HYAL4: variants seen among roughly 807,000 people sequenced by gnomAD.
The protein encoded by HYAL4 is hyaluronidase-4.
HYAL4 carries 37 observed loss-of-function variants against 35.2 expected under a neutral mutation model. The observed-to-expected ratio is 1.05, with a 90% CI of 0.81 to 1.38. HYAL4 has a LOEUF of 1.38. HYAL4 is among the 40% of genes most tolerant of loss of function. The probability of loss-of-function intolerance (pLI) is 0.00; values close to 1 mark genes in which losing one functional copy is unlikely to be tolerated. For synonymous variants in HYAL4, 198 were observed against 203.2 expected, an observed-to-expected ratio of 0.97 and a Z score of 0.22; for missense variants, 572 against 572.4, an observed-to-expected ratio of 1.00 and a Z score of 0.01.
chr7:123,869,658 A>G (rs1806810767), intron 3 of HYAL4, among the ~76,000 whole-genome samples: 1 of 151,888 alleles, frequency 6.6e-6, no homozygotes, highest in Non-Finnish European at 1.5e-5. Flanking sequence ...ATTCTAGGGA[A>G]AGTAGTGGGT....
In HYAL4 at chr7:123,868,443, A is replaced by G; in HGVS notation, c.170A>G (p.Asp57Gly). 1 of 1,610,020 alleles carries G rather than the reference A, an allele frequency of 6.2e-7. No individual in the cohort carries two copies. Among genetic ancestry groups the G allele is most frequent in the Non-Finnish European group, 8.5e-7 (1 of 1,179,106 alleles). ...PFIAAWNAPT[D>G]QCLIKYNLRL... ...ATAGCTGCTTGGAATGCTCCAACAGATCAGTGTTTGATAAAATATAATTTA... is the reference window on the plus strand; with the variant it reads ...ATAGCTGCTTGGAATGCTCCAACAGGTCAGTGTTTGATAAAATATAATTTA... Residue 57 changes from aspartate to glycine, a missense_variant, in exon 3 of 5, where the codon GAT becomes GGT. Transcript: ENST00000223026.
the HYAL4 span, among the ~76,000 whole-genome samples, chr7:123,820,882 G>T: frequency 2.0e-5 from 3 of 152,028 alleles, no homozygotes; most frequent in Non-Finnish European, 4.4e-5. Context: ...TAGATACCTC[G>T]TAAGTAGAAT....
At position 123,868,624 on chromosome 7, in the gene HYAL4, T is replaced by A; in HGVS notation, c.351T>A (p.Ser117Arg). The A allele has an allele frequency of 1.2e-6, 2 of 1,614,050 alleles. No homozygotes were observed. The highest frequency in any genetic ancestry group is 1.7e-6 in the Non-Finnish European group (2 of 1,179,984). The change falls in exon 3 of 5, where the codon AGT (serine) becomes AGA (arginine). Residue 117 changes from serine (S) to arginine (R), a missense_variant. Physicochemically the swap from Ser to Arg is moderately radical, Grantham distance 110. Coordinates refer to ENST00000223026, the MANE Select transcript of HYAL4 (RefSeq NM_012269.3). ...ATGGAGGTCTCCCACAGAACATAAG[T>A]TTACAAGTACATCTGGAAAAAGCTG... ...PINGGLPQNI[S>R]LQVHLEKADQ...
intron 2 of HYAL4, among the ~76,000 whole-genome samples, chr7:123,857,312 T>C (rs1048517595): frequency 1.3e-5 from 2 of 152,106 alleles, no homozygotes; most frequent in African/African-American, 4.8e-5. Context: ...CCTGATAGTG[T>C]AGGCACCTGA....
chr7:123,825,209 T>C (rs1805787879), upstream of HYAL4, among the ~76,000 whole-genome samples: 1 of 152,094 alleles, frequency 6.6e-6, no homozygotes, highest in South Asian at 2.1e-4. Flanking sequence ...TGTCTTTTTT[T>C]TAACCACGTT....
chr7:123,829,951 A>T (rs1805855400), intron 1 of HYAL4, among the ~76,000 whole-genome samples: 1 of 152,204 alleles, frequency 6.6e-6, no homozygotes, highest in Admixed American at 6.5e-5. Flanking sequence ...AACACTGGAA[A>T]TGTAAGAGAG....
chr7:123,831,672 A>T (rs758107637), intron 1 of HYAL4, among the ~76,000 whole-genome samples: 1 of 152,050 alleles, frequency 6.6e-6, no homozygotes, highest in Non-Finnish European at 1.5e-5. Context: ...ATCTGTTTAT[A>T]TTTACAAAGG....
At position 123,876,840 on chromosome 7, in the gene HYAL4, C is replaced by A. The variant is rs761321876; in HGVS notation, c.1131C>A (p.Ser377Arg). ...TGACCAGAGCTGCTGAGGTATGCAG[C>A]CTTCACCTCTGCAGGAACAATGGCA... ...ANVTRAAEVC[S>R]LHLCRNNGRC... The change falls in exon 5 of 5, where the codon AGC becomes AGA. Residue 377 changes from serine to arginine, a missense_variant. Transcript: ENST00000223026. 4 of 1,614,144 alleles carry A rather than the reference C, an allele frequency of 2.5e-6. No homozygotes were observed. Among genetic ancestry groups the A allele is most frequent in the Non-Finnish European group, 3.4e-6 (4 of 1,179,974 alleles).
the HYAL4 span, among the ~76,000 whole-genome samples, chr7:123,774,050 C>G: frequency 6.6e-6 from 1 of 152,152 alleles, no homozygotes; most frequent in East Asian, 1.9e-4. Context: ...GAGGTAGAAT[C>G]TTGTTCTGTT....
the HYAL4 span, among the ~76,000 whole-genome samples, chr7:123,811,297 C>T: frequency 2.6e-5 from 4 of 152,178 alleles, no homozygotes; most frequent in Middle Eastern, 3.2e-3. Context: ...TAGCATTTTG[C>T]ATTCCAATTG....
chr7:123,826,429 C>T (rs150011299), upstream of HYAL4, among the ~76,000 whole-genome samples: 511 of 152,224 alleles, frequency 3.4e-3, 6 homozygotes, highest in African/African-American at 0.012. Flanking sequence ...CAGGTGAAAG[C>T]CAATGCCAAA....
In HYAL4 at chr7:123,868,670, A is replaced by T. The variant is rs1282359575; in HGVS notation, c.397A>T (p.Ile133Phe). 6.2e-7 allele frequency: 1 copy of T among 1,613,622 alleles called. No homozygotes were observed. The highest frequency in any genetic ancestry group is 2.2e-5 in the East Asian group (1 of 44,888). The stretch of plus-strand genomic sequence containing the variant: ...AGCTGACCAAGATATTAATTATTAC[A>T]TCCCTGCTGAAGATTTCAGTGGACT... ...EKADQDINYYIPAEDFSGLAV... is the reference protein window; with the variant it reads ...EKADQDINYYFPAEDFSGLAV... The change falls in exon 3 of 5, where the codon ATC (isoleucine) becomes TTC (phenylalanine). Residue 133 changes from isoleucine (I) to phenylalanine (F), a missense_variant. Physicochemically the swap from Ile to Phe is conservative, Grantham distance 21 (BLOSUM62 0). Transcript: ENST00000223026.
At chr7:123,850,178 C>G (rs1487406898) in intron 2 of HYAL4, among the ~76,000 whole-genome samples, 1 of 152,166 alleles carries the variant, frequency 6.6e-6, no homozygotes. Context: ...TTCAGCCTTG[C>G]TTGTAAATTA....
the HYAL4 span, among the ~76,000 whole-genome samples, chr7:123,768,534 C>T: frequency 6.6e-6 from 1 of 152,162 alleles, no homozygotes; most frequent in Non-Finnish European, 1.5e-5. Context: ...ATGTTTTTTG[C>T]TTATGATCAT....
chr7:123,787,720 C>G, the HYAL4 span, among the ~76,000 whole-genome samples: 2 of 152,104 alleles, frequency 1.3e-5, no homozygotes, highest in African/African-American at 4.8e-5. Flanking sequence ...GCGTCTGAAT[C>G]CCAAACAGTT....
chr7:123,853,286 A>G (rs964884693), intron 2 of HYAL4, among the ~76,000 whole-genome samples: 1 of 152,178 alleles, frequency 6.6e-6, no homozygotes, highest in African/African-American at 2.4e-5. Context: ...AGGAGTGGTA[A>G]GAGAGGGCAT....
chr7:123,820,944 C>G, the HYAL4 span, among the ~76,000 whole-genome samples: 2 of 152,216 alleles, frequency 1.3e-5, no homozygotes, highest in South Asian at 4.2e-4. Context: ...GAATAATGTC[C>G]CCCAGGTTCA....
chr7:123,830,114 T>C (rs1805858190), intron 1 of HYAL4, among the ~76,000 whole-genome samples: 1 of 152,206 alleles, frequency 6.6e-6, no homozygotes, highest in Admixed American at 6.5e-5. Context: ...CAAGTGACCA[T>C]TTTCTCAAGT....
chr7:123,800,582 C>T, the HYAL4 span, among the ~76,000 whole-genome samples: 4 of 151,696 alleles, frequency 2.6e-5, no homozygotes, highest in African/African-American at 9.7e-5. Flanking sequence ...GCAATCACTT[C>T]ATTTTCTTGC....
Sources: gnomAD v4.1 joint callset for allele counts (sites outside exome capture counted in the v4.1 genomes callset) on GRCh38, gnomAD v4.1.1 for gene constraint, MANE v1.5 for transcripts, NCBI Gene and HGNC (gene_info 2026-07-23, HGNC 2026-07-21) for gene names.